THOC2: variants seen among roughly 807,000 people sequenced by gnomAD.
The protein encoded by THOC2 is THO complex subunit 2.
Under a neutral mutation model 128.4 loss-of-function variants are expected in THOC2, and 10 were observed. The ratio of observed to expected loss-of-function variants is 0.08; its 90% CI spans 0.05 to 0.13. The LOEUF (loss-of-function observed/expected upper bound fraction) is 0.13. Among genes scored for constraint, THOC2 ranks in the 10% least tolerant of loss-of-function variants. THOC2 has a pLI of 1.00. For synonymous variants in THOC2, 393 were observed against 396.9 expected, an observed-to-expected ratio of 0.99 and a Z score of 0.12; for missense variants, 535 against 1,155.7, an observed-to-expected ratio of 0.46 and a Z score of 7.79.
intron 8 of THOC2, among the ~76,000 whole-genome samples, chrX:123,678,446 G>C (rs1197930556): frequency 3.7e-5 from 4 of 108,876 alleles, no homozygotes; most frequent in African/African-American, 1.3e-4. Flanking sequence ...TTCCGTTTTT[G>C]GGTAGAGACA....
intron 11 of THOC2, 70 bp downstream of exon 11, chrX:123,667,036 T>G: frequency 1.3e-6 from 1 of 769,486 alleles, no homozygotes. Flanking sequence ...GGAGATAAGA[T>G]AAATATACAT....
At chrX:123,669,478 G>C (rs1282977446) in intron 9 of THOC2, among the ~76,000 whole-genome samples, 4 of 110,541 alleles carry the variant, frequency 3.6e-5, no homozygotes, top group Non-Finnish European at 7.6e-5. Context: ...CACCACCCCA[G>C]GGTGATTTTG....
chrX:123,705,811 C>T (rs1194273988), intron 3 of THOC2, among the ~76,000 whole-genome samples: 2 of 110,907 alleles, frequency 1.8e-5, no homozygotes, highest in Non-Finnish European at 3.8e-5. Context: ...AGATTGAGAC[C>T]AAGAAGCTTC....
intron 1 of THOC2, among the ~76,000 whole-genome samples, chrX:123,730,788 C>CA (rs2052212342): frequency 9.0e-6 from 1 of 111,027 alleles, no homozygotes; most frequent in Non-Finnish European, 1.9e-5. Flanking sequence ...AGTAAAAATA[C>CA]AAAAAATTAG....
At chrX:123,660,340 T>C (rs1335886548) in intron 12 of THOC2, among the ~76,000 whole-genome samples, 1 of 111,693 alleles carries the variant, frequency 9.0e-6, no homozygotes, top group East Asian at 2.8e-4. Context: ...GTTTGATATT[T>C]ATAACCAAAG....
At chrX:123,621,980 G>A (rs192948670) in intron 30 of THOC2, among the ~76,000 whole-genome samples, 7 of 112,020 alleles carry the variant, frequency 6.2e-5, no homozygotes, top group African/African-American at 2.3e-4. Flanking sequence ...GGGAGGCAGA[G>A]GTTGCAGTGA....
At chrX:123,708,071 G>C (rs1457520792) in intron 2 of THOC2, among the ~76,000 whole-genome samples, 2 of 109,887 alleles carry the variant, frequency 1.8e-5, no homozygotes, top group African/African-American at 6.6e-5. Flanking sequence ...AAGTTGCAAT[G>C]AGTTGTGATA....
chrX:123,720,233 G>C (rs751539085), intron 1 of THOC2, among the ~76,000 whole-genome samples: 1 of 110,122 alleles, frequency 9.1e-6, no homozygotes, highest in South Asian at 3.9e-4. Context: ...ATTGCTTGAG[G>C]CTAGGAGTTC....
chrX:123,693,187 G>A (rs892501709), intron 7 of THOC2, among the ~76,000 whole-genome samples: 19 of 112,433 alleles, frequency 1.7e-4, no homozygotes, highest in African/African-American at 5.5e-4. Flanking sequence ...GGCCGTGTCC[G>A]GGGGCTCACG....
intron 38 of THOC2, chrX:123,603,915 C>T (rs2046374560): frequency 7.7e-6 from 1 of 129,717 alleles, no homozygotes; most frequent in African/African-American, 3.2e-5. Context: ...AGCTAGCTGT[C>T]ATCAAGAAGA....
At chrX:123,647,666 T>G in intron 12 of THOC2, among the ~76,000 whole-genome samples, 1 of 108,677 alleles carries the variant, frequency 9.2e-6, no homozygotes, top group Non-Finnish European at 1.9e-5. Context: ...AAACCCCATC[T>G]CTCCTAAAAA....
chrX:123,619,499 TGGGAA>T, intron 32 of THOC2, 63 bp from the exon 33 acceptor site: 1 of 1,188,159 alleles, frequency 8.4e-7, no homozygotes, highest in Non-Finnish European at 1.1e-6. Context: ...AGAGGAACTT[TGGGAA>T]GTATGGCTGT....
At chrX:123,683,045 T>C (rs186111523) in intron 8 of THOC2, among the ~76,000 whole-genome samples, 273 of 111,702 alleles carry the variant, frequency 2.4e-3, no homozygotes, top group Admixed American at 3.5e-3. Flanking sequence ...CTGTACAAGT[T>C]GAGTATCCCT....
At chrX:123,616,006 A>C (rs917983106) in intron 33 of THOC2, among the ~76,000 whole-genome samples, 4 of 110,822 alleles carry the variant, frequency 3.6e-5, no homozygotes, top group African/African-American at 1.3e-4. Context: ...TAGTAACCCA[A>C]TGCATTCTAT....
At chrX:123,624,037 G>T (rs951160644) in intron 27 of THOC2, 23 bp downstream of exon 27, 5 of 1,179,860 alleles carry the variant, frequency 4.2e-6, no homozygotes, top group Admixed American at 5.3e-5. Context: ...ATTTGCCTTT[G>T]AAAAATCCAA....
intron 1 of THOC2, among the ~76,000 whole-genome samples, chrX:123,726,801 A>G (rs982409282): frequency 8.9e-6 from 1 of 112,465 alleles, no homozygotes; most frequent in African/African-American, 3.2e-5. Flanking sequence ...ACTATTAGTT[A>G]GAATCTCAAA....
At chrX:123,730,629 A>G (rs777716853) in intron 1 of THOC2, among the ~76,000 whole-genome samples, 1 of 112,028 alleles carries the variant, frequency 8.9e-6, no homozygotes, top group Non-Finnish European at 1.9e-5. Flanking sequence ...TACCAGTCAG[A>G]AGCCAAGCAG....
chrX:123,665,112 TTTAAC>T (rs2048997791), intron 12 of THOC2, among the ~76,000 whole-genome samples: 1 of 111,821 alleles, frequency 8.9e-6, no homozygotes, highest in African/African-American at 3.2e-5. Flanking sequence ...TTATGCACCA[TTTAAC>T]AATGTTTCGG....
chrX:123,710,984 C>T (rs1220538352), intron 2 of THOC2, among the ~76,000 whole-genome samples: 1 of 97,035 alleles, frequency 1.0e-5, no homozygotes, highest in African/African-American at 3.7e-5. Context: ...AGCGAGATTC[C>T]ATCTCAAAAA....
Sources: gnomAD v4.1 joint callset for allele counts (sites outside exome capture counted in the v4.1 genomes callset) on GRCh38, gnomAD v4.1.1 for gene constraint, MANE v1.5 for transcripts, NCBI Gene and HGNC (gene_info 2026-07-23, HGNC 2026-07-21) for gene names.